PDZD2: variants seen among roughly 807,000 people sequenced by gnomAD.
PDZD2 encodes the protein PDZ domain-containing protein 2.
PDZD2 carries 90 observed loss-of-function variants against 220.7 expected under a neutral mutation model. That is an observed-to-expected ratio of 0.41 (90% CI 0.34 to 0.49). The LOEUF (loss-of-function observed/expected upper bound fraction) is 0.49, where lower values mean the gene tolerates loss of function less well. Among genes scored for constraint, PDZD2 ranks in the 20% least tolerant of loss-of-function variants. The pLI is 0.28. For missense variants in PDZD2, 3,174 were observed against 3,608.5 expected (o/e 0.88, Z 3.08); for synonymous variants, 1,375 against 1,450.5 (o/e 0.95, Z 1.18).
chr5:31,665,651 C>CG (rs113191767), intron 1 of PDZD2, among the ~76,000 whole-genome samples: 65 of 144,180 alleles, frequency 4.5e-4, no homozygotes, highest in Admixed American at 6.3e-4. Context: ...CCCTCCCCCC[C>CG]CTCCCTTTCC....
In PDZD2 at chr5:32,022,195, T is replaced by TTTG. The variant is rs1754264424; in HGVS notation, c.1407+11715_1407+11716insGTT. 1.4e-5 allele frequency among the ~76,000 whole-genome samples: 2 copies of TTTG among 145,486 alleles called. 1 individual carries two copies. Among genetic ancestry groups the TTTG allele is most frequent in the Non-Finnish European group, 3.0e-5 (2 of 66,462 alleles). ...TCGTTTTGTTTTTTTGTTTTTTTGT[T>TTTG]TTTTGTTTTTTTTTGGAGTTGGGGG... is the stretch of plus-strand genomic sequence containing the variant. On this transcript the variant is annotated intron_variant, in intron 6 of 24. Coordinates refer to ENST00000438447, the MANE Select transcript of PDZD2 (RefSeq NM_178140.4).
At chr5:31,894,058 CTTTTTTTTTT>C (rs35969573) in intron 2 of PDZD2, among the ~76,000 whole-genome samples, 2 of 69,760 alleles carry the variant, frequency 2.9e-5, no homozygotes, top group Non-Finnish European at 5.0e-5. Context: ...CCACGCCCAG[CTTTTTTTTTT>C]TTTTTTTTTT....
chr5:31,704,509 T>C (rs1392763386), intron 1 of PDZD2, among the ~76,000 whole-genome samples: 1 of 152,236 alleles, frequency 6.6e-6, no homozygotes, highest in Non-Finnish European at 1.5e-5. Flanking sequence ...AAATAATAAG[T>C]GCATCCATCC....
chr5:31,866,522 T>C (rs1419783178), intron 2 of PDZD2, among the ~76,000 whole-genome samples: 8 of 152,130 alleles, frequency 5.3e-5, no homozygotes, highest in Admixed American at 3.9e-4. Context: ...CACAGCTGCT[T>C]AGGAGCCTCC....
chr5:31,884,992 C>T (rs1418664011), intron 2 of PDZD2, among the ~76,000 whole-genome samples: 5 of 151,506 alleles, frequency 3.3e-5, no homozygotes, highest in Admixed American at 3.3e-4. Flanking sequence ...TGGGACGATG[C>T]CATAAGTAAA....
intron 2 of PDZD2, among the ~76,000 whole-genome samples, chr5:31,934,666 A>G (rs944345844): frequency 6.6e-6 from 1 of 151,842 alleles, no homozygotes; most frequent in African/African-American, 2.4e-5. Flanking sequence ...TTTTTAATAC[A>G]TGGAAAATTT....
intron 19 of PDZD2, among the ~76,000 whole-genome samples, chr5:32,079,725 C>T (rs182229901): frequency 1.3e-5 from 2 of 151,250 alleles, no homozygotes; most frequent in Admixed American, 6.6e-5. Flanking sequence ...GCAGGAGAAT[C>T]GTTTAAACCC....
At chr5:31,898,007 C>T (rs1016143204) in intron 2 of PDZD2, among the ~76,000 whole-genome samples, 1 of 152,152 alleles carries the variant, frequency 6.6e-6, no homozygotes, top group African/African-American at 2.4e-5. Flanking sequence ...TCCCAAAGTG[C>T]TGGGATTACA....
chr5:31,979,268 G>A (rs1750061663), intron 2 of PDZD2, among the ~76,000 whole-genome samples: 1 of 152,144 alleles, frequency 6.6e-6, no homozygotes, highest in South Asian at 2.1e-4. Flanking sequence ...AGACAACTTG[G>A]AGATAAAATG....
At chr5:31,790,627 C>G (rs1753649148) in intron 1 of PDZD2, among the ~76,000 whole-genome samples, 1 of 148,402 alleles carries the variant, frequency 6.7e-6, no homozygotes, top group Non-Finnish European at 1.5e-5. Context: ...CTGTGTGTTT[C>G]TGGTCAATTC....
chr5:31,658,329 C>T (rs1014777144), intron 1 of PDZD2, among the ~76,000 whole-genome samples: 2 of 152,170 alleles, frequency 1.3e-5, no homozygotes, highest in African/African-American at 4.8e-5. Flanking sequence ...ATCCTGTTCC[C>T]TCACTTACAA....
chr5:31,973,807 A>G (rs1235907090), intron 2 of PDZD2, among the ~76,000 whole-genome samples: 1 of 152,206 alleles, frequency 6.6e-6, no homozygotes, highest in Non-Finnish European at 1.5e-5. Flanking sequence ...GAATCACTTG[A>G]GGCTAGGAGT....
chr5:31,929,842 C>T (rs72757985), intron 2 of PDZD2, among the ~76,000 whole-genome samples: 21,809 of 152,164 alleles, frequency 0.14, 1,629 homozygotes, highest in South Asian at 0.24. Context: ...CTCCAAGTCT[C>T]CTGTTGAAAT....
At chr5:31,998,607 T>TA (rs1751840524) in intron 4 of PDZD2, among the ~76,000 whole-genome samples, 1 of 152,212 alleles carries the variant, frequency 6.6e-6, no homozygotes, top group Non-Finnish European at 1.5e-5. Flanking sequence ...GGCAGCACCC[T>TA]AGGTGCTGAT....
rs1741051739 is a variant in PDZD2 at position 32,074,229 on chromosome 5, A to C, written c.3123A>C (p.Leu1041Phe). 1.2e-6 allele frequency: 2 copies of C among 1,614,230 alleles called. No individual in the cohort carries two copies. The highest frequency in any genetic ancestry group is 1.7e-6 in the Non-Finnish European group (2 of 1,180,038). Residue 1041 changes from leucine (L) to phenylalanine (F), a missense_variant, in exon 18 of 25, where the codon TTA becomes TTC. By Grantham distance (22) the Leu-to-Phe change is conservative. Transcript: ENST00000438447. The part of the protein sequence containing the change: ...SAPLLGSSVD[L>F]EESIPEGMVD... ...CTCTTCTTGGTAGCTCAGTGGACTTAGAGGAGAGTATCCCAGAGGGCATGG... is the reference window on the plus strand; with the variant it reads ...CTCTTCTTGGTAGCTCAGTGGACTTCGAGGAGAGTATCCCAGAGGGCATGG...
rs531769273 is a variant in PDZD2 at position 32,039,718 on chromosome 5, G to A, written c.1519+2376G>A. On this transcript the variant is annotated intron_variant, in intron 7 of 24. Transcript: ENST00000438447. ...AGGAGCGCCTCTGCCCGGCCGCCCC[G>A]TCTGGGAAGTGAGGAGTGCCTCTGC... 9.9e-3 allele frequency among the ~76,000 whole-genome samples: 1,204 copies of A among 121,660 alleles called. 14 individuals are homozygous for A. Among genetic ancestry groups the A allele is most frequent in the African/African-American group, 0.043 (1,113 of 25,822 alleles). 79.8% of individuals were successfully genotyped at this position (121,660 alleles called of 152,430 possible).
At chr5:31,758,493 G>A (rs1040603420) in intron 1 of PDZD2, among the ~76,000 whole-genome samples, 2 of 152,182 alleles carry the variant, frequency 1.3e-5, no homozygotes, top group Admixed American at 6.5e-5. Flanking sequence ...TGGTGTGGGC[G>A]CAGGTTCTAG....
chr5:32,065,323 C>A lies in PDZD2; in HGVS notation c.2451+4189C>A, dbSNP rs567573377. 7.9e-5 allele frequency among the ~76,000 whole-genome samples: 12 copies of A among 152,260 alleles called. No individual in the cohort carries two copies. In the East Asian group the frequency reaches 2.3e-3, roughly 29 times the overall value. ...CAAAAAACAAACAAAAAAAATACTT[C>A]TTACCCATGCCTGTCATATGGGCAT... On this transcript the variant is annotated intron_variant, in intron 14 of 24. Transcript: ENST00000438447.
chr5:31,905,145 T>C (rs923990371), intron 2 of PDZD2, among the ~76,000 whole-genome samples: 3 of 149,626 alleles, frequency 2.0e-5, no homozygotes, highest in African/African-American at 7.5e-5. Context: ...ATTTTTTGTA[T>C]TTTTTTTTCT....
Sources: gnomAD v4.1 joint callset for allele counts (sites outside exome capture counted in the v4.1 genomes callset) on GRCh38, gnomAD v4.1.1 for gene constraint, MANE v1.5 for transcripts, NCBI Gene and HGNC (gene_info 2026-07-23, HGNC 2026-07-21) for gene names.